Variants in ANK2 observed in about 807,000 individuals in gnomAD.
ANK2 encodes the protein ankyrin-2.
Under a neutral mutation model 360.5 loss-of-function variants are expected in ANK2, and 83 were observed. That is an observed-to-expected ratio of 0.23 (90% CI 0.19 to 0.28). The LOEUF (loss-of-function observed/expected upper bound fraction) is 0.28. ANK2 is among the 10% of genes least tolerant of loss of function. The pLI is 1.00. For synonymous variants in ANK2, 1,740 were observed against 1,759.5 expected, an observed-to-expected ratio of 0.99 and a Z score of 0.28; for missense variants, 4,201 against 4,795.7, an observed-to-expected ratio of 0.88 and a Z score of 3.66.
chr4:112,812,552 C>T, the ANK2 span, among the ~76,000 whole-genome samples: 2 of 152,190 alleles, frequency 1.3e-5, no homozygotes, highest in Non-Finnish European at 2.9e-5. Context: ...AGGCACCAGA[C>T]ATGTGAGTGA....
At position 112,953,028 on chromosome 4, in the gene ANK2, G is replaced by A. The variant is rs148204448; in HGVS notation, c.21+48514G>A. Among the ~76,000 whole-genome samples the A allele has an allele frequency of 1.5e-3, 230 of 152,296 alleles. 1 individual carries two copies. Among genetic ancestry groups the A allele is most frequent in the African/African-American group, 5.4e-3 (224 of 41,562 alleles). On this transcript the variant is annotated intron_variant, in intron 2 of 30. Transcript: ENST00000503271. ...CAAGCACTATTCTAAATACACTGCG[G>A]TTATTGTTTCATTTAATCCCATGAA...
In ANK2 at chr4:113,237,589, A is replaced by G. The variant is rs374372032; in HGVS notation, c.670-10A>G. Reference sequence around the variant, plus strand: ...ATCTTCCCTCTTTCTTCCAAACAACACTGCTTCAGATGATGGTGAATAGGA... The same window carrying G: ...ATCTTCCCTCTTTCTTCCAAACAACGCTGCTTCAGATGATGGTGAATAGGA... On this transcript the variant is annotated splice_polypyrimidine_tract_variant and intron_variant, in intron 6 of 45. Transcript: ENST00000357077. 6.5e-5 allele frequency: 105 copies of G among 1,607,394 alleles called. No homozygotes were observed. In the African/African-American group the frequency reaches 1.3e-3, roughly 20 times the overall value.
chr4:113,323,844 C>A (rs751261550), intron 26 of ANK2: 2 of 1,557,648 alleles, frequency 1.3e-6, no homozygotes, highest in African/African-American at 1.4e-5. Context: ...ATTCCTCTCC[C>A]CCTTTCGCCA....
At position 113,274,667 on chromosome 4, in the gene ANK2, A is replaced by G. The variant is rs779479774; in HGVS notation, c.1683+18A>G. 4 of 1,612,970 alleles carry G rather than the reference A, an allele frequency of 2.5e-6. No individual in the cohort carries two copies. The highest frequency in any genetic ancestry group is 1.3e-5 in the African/African-American group (1 of 75,040). ...CTACCAAGGTAAGGAGAATGACATC[A>G]TGAGAACATGGACCAAGAGGATTCC... On this transcript the variant is annotated intron_variant, in intron 15 of 45. Transcript: ENST00000357077.
chr4:113,068,904 G>T (rs796157512), intron 1 of ANK2, among the ~76,000 whole-genome samples: 8 of 152,080 alleles, frequency 5.3e-5, no homozygotes, highest in African/African-American at 1.9e-4. Flanking sequence ...TGTACAAAAA[G>T]TTTTCAAAAT....
At chr4:112,841,778 G>C (rs965232006) in intron 1 of ANK2, among the ~76,000 whole-genome samples, 1 of 152,094 alleles carries the variant, frequency 6.6e-6, no homozygotes. Context: ...AGCTGTGTCC[G>C]CACTTGTAGC....
At chr4:113,047,697 C>T (rs1184169237), upstream of ANK2, among the ~76,000 whole-genome samples, 3 of 151,952 alleles carry the variant, frequency 2.0e-5, no homozygotes, top group South Asian at 2.1e-4. Flanking sequence ...AAGAGAGAAC[C>T]TTTGCCTCTT....
chr4:113,072,742 A>ATTTTTTTTTTTT (rs34098456), intron 1 of ANK2, among the ~76,000 whole-genome samples: 19 of 74,210 alleles, frequency 2.6e-4, no homozygotes, highest in African/African-American at 6.2e-4. Context: ...ACTTGGCATA[A>ATTTTTTTTTTTT]TTTTTTTTTT....
At chr4:113,208,996 C>A (rs1424637731) in intron 4 of ANK2, among the ~76,000 whole-genome samples, 1 of 151,964 alleles carries the variant, frequency 6.6e-6, no homozygotes, top group East Asian at 1.9e-4. Context: ...CCCCTTCATC[C>A]TCTGAAGGCT....
At chr4:112,783,480 T>C in the ANK2 span, among the ~76,000 whole-genome samples, 1 of 152,168 alleles carries the variant, frequency 6.6e-6, no homozygotes, top group Non-Finnish European at 1.5e-5. Flanking sequence ...CATGCATTTC[T>C]TTGAACTTGT....
chr4:113,095,196 C>T (rs1157575603), intron 1 of ANK2, among the ~76,000 whole-genome samples: 1 of 152,152 alleles, frequency 6.6e-6, no homozygotes, highest in South Asian at 2.1e-4. Context: ...AGTTATTACT[C>T]AGGAATTTTT....
chr4:112,881,437 A>G (rs1041677804), intron 1 of ANK2, among the ~76,000 whole-genome samples: 1 of 152,234 alleles, frequency 6.6e-6, no homozygotes, highest in Non-Finnish European at 1.5e-5. Flanking sequence ...CCCTGTCTCA[A>G]ACAAACAAAA....
chr4:113,117,838 G>A (rs1315998361), intron 1 of ANK2, among the ~76,000 whole-genome samples: 2 of 152,046 alleles, frequency 1.3e-5, no homozygotes, highest in Non-Finnish European at 2.9e-5. Context: ...CTCACTGACT[G>A]TATATTTGAT....
intron 1 of ANK2, among the ~76,000 whole-genome samples, chr4:113,077,909 C>T (rs2154345101): frequency 6.6e-6 from 1 of 152,328 alleles, no homozygotes; most frequent in Non-Finnish European, 1.5e-5. Context: ...ATGGCTGTAT[C>T]TGCTGCTTCT....
At chr4:113,250,605 T>C (rs2045640240) in intron 10 of ANK2, among the ~76,000 whole-genome samples, 1 of 152,182 alleles carries the variant, frequency 6.6e-6, no homozygotes, top group Non-Finnish European at 1.5e-5. Flanking sequence ...CATTGGGTTA[T>C]CAGAAAATAT....
chr4:113,076,252 A>G (rs2079905437), intron 1 of ANK2, among the ~76,000 whole-genome samples: 5 of 152,222 alleles, frequency 3.3e-5, no homozygotes, highest in South Asian at 4.1e-4. Flanking sequence ...AGTTTACAAA[A>G]TTGTGTTGGG....
the ANK2 span, among the ~76,000 whole-genome samples, chr4:112,730,617 A>G: frequency 6.9e-6 from 1 of 144,596 alleles, no homozygotes; most frequent in South Asian, 2.3e-4. Flanking sequence ...AGCCTGGGCA[A>G]CAAAGTGAGA....
chr4:112,923,649 T>C (rs1365508356), intron 2 of ANK2, among the ~76,000 whole-genome samples: 4 of 152,148 alleles, frequency 2.6e-5, no homozygotes, highest in Admixed American at 2.6e-4. Flanking sequence ...AAGGGCCAAG[T>C]GCTGAAATTT....
chr4:112,827,325 A>C (rs956878245), intron 1 of ANK2: 24 of 1,176,004 alleles, frequency 2.0e-5, no homozygotes, highest in South Asian at 3.7e-5. Context: ...TAAAGCAGAA[A>C]GCCAATGAGT....
Sources: allele counts gnomAD v4.1 joint callset (sites outside exome capture counted in the v4.1 genomes callset), GRCh38; gene constraint gnomAD v4.1.1; transcripts MANE v1.5; gene names NCBI Gene and HGNC (gene_info 2026-07-23, HGNC 2026-07-21).